GRK5: variants seen among roughly 807,000 people sequenced by gnomAD.
The protein encoded by GRK5 is G protein-coupled receptor kinase 5, also known as g protein-coupled receptor kinase GRK5.
GRK5 carries 40 observed loss-of-function variants against 78.4 expected under a neutral mutation model. That is an observed-to-expected ratio of 0.51 (90% CI 0.40 to 0.66). The LOEUF is 0.66. Among genes scored for constraint, GRK5 ranks in the 30% least tolerant of loss-of-function variants. The probability of loss-of-function intolerance (pLI) is 0.00; values close to 1 mark genes in which losing one functional copy is unlikely to be tolerated. For missense variants in GRK5, 598 were observed against 759.9 expected (o/e 0.79, Z 2.50); for synonymous variants, 289 against 296.8 (o/e 0.97, Z 0.27).
chr10:119,413,415 A>G (rs1344985556), intron 4 of GRK5, among the ~76,000 whole-genome samples: 4 of 151,148 alleles, frequency 2.6e-5, no homozygotes, highest in African/African-American at 9.7e-5. Flanking sequence ...AGGCGCGTGC[A>G]CACACACACA....
Position 119,452,844 on chromosome 10 carries a change from G to C in GRK5, c.1542+36G>C. On this transcript the variant is annotated intron_variant, in intron 14 of 15. Coordinates refer to ENST00000392870, the MANE Select transcript of GRK5 (RefSeq NM_005308.3). This position sits in a 1 kb window ranked among gnomAD's most constrained non-coding sequence, Gnocchi z 4.4. Reference sequence around the variant, plus strand: ...CAGACCACTTGCTTTGGTCTGGGTGGGAGGGAGGGACTGACGGGTGGAAGG... The same window carrying C: ...CAGACCACTTGCTTTGGTCTGGGTGCGAGGGAGGGACTGACGGGTGGAAGG... The C allele has an allele frequency of 6.3e-7, 1 of 1,584,844 alleles. No individual in the cohort carries two copies. The highest frequency in any genetic ancestry group is 8.6e-7 in the Non-Finnish European group (1 of 1,157,300).
intron 3 of GRK5, among the ~76,000 whole-genome samples, chr10:119,385,517 G>A (rs780091901): frequency 6.6e-6 from 1 of 152,200 alleles, no homozygotes; most frequent in Non-Finnish European, 1.5e-5. Flanking sequence ...GATCTGCTAG[G>A]AGGCTGTTGC....
chr10:119,363,223 G>A (rs143608516), intron 2 of GRK5, among the ~76,000 whole-genome samples: 15,717 of 151,548 alleles, frequency 0.1, 993 homozygotes, highest in Middle Eastern at 0.19. Context: ...AGAGGTTGCG[G>A]TGAGCCAAGA....
intron 4 of GRK5, among the ~76,000 whole-genome samples, chr10:119,420,913 G>A (rs1852558225): frequency 6.6e-6 from 1 of 152,136 alleles, no homozygotes; most frequent in South Asian, 2.1e-4. Context: ...TTCTACCCCT[G>A]CCCAGCACCA....
rs757695706 is a variant in GRK5 at position 119,271,727 on chromosome 10, G to A, written c.53-54789G>A. Among the ~76,000 whole-genome samples, 14 of 152,224 alleles carry A rather than the reference G, an allele frequency of 9.2e-5. No homozygotes were observed. The highest frequency in any genetic ancestry group is 2.2e-4 in the African/African-American group (9 of 41,454). On this transcript the variant is annotated intron_variant, in intron 1 of 15. Transcript: ENST00000392870. This position sits in a 1 kb window ranked among gnomAD's most constrained non-coding sequence, Gnocchi z 4.1. ...GGTGTGTGAGCACTAGGTTGGTGACGAGGTTTAGCAGCAGGTGGACTCTGG... is the reference window on the plus strand; with the variant it reads ...GGTGTGTGAGCACTAGGTTGGTGACAAGGTTTAGCAGCAGGTGGACTCTGG...
At chr10:119,261,718 G>A (rs1487121374) in intron 1 of GRK5, among the ~76,000 whole-genome samples, 3 of 152,166 alleles carry the variant, frequency 2.0e-5, no homozygotes, top group Non-Finnish European at 4.4e-5. Flanking sequence ...CCAACACAGC[G>A]AAACCCCGTC....
chr10:119,292,124 C>T (rs1197280918), intron 1 of GRK5, among the ~76,000 whole-genome samples: 3 of 27,992 alleles, frequency 1.1e-4, no homozygotes, highest in Admixed American at 3.6e-4. Context: ...TCCTCCCTCT[C>T]CTCATCTTCC....
intron 1 of GRK5, among the ~76,000 whole-genome samples, chr10:119,255,991 C>G (rs1388549999): frequency 6.6e-6 from 1 of 152,164 alleles, no homozygotes; most frequent in African/African-American, 2.4e-5. Flanking sequence ...CTTCCATTTC[C>G]TAGTAAGTAA....
intron 1 of GRK5, among the ~76,000 whole-genome samples, chr10:119,299,565 C>T (rs1850140651): frequency 6.6e-6 from 1 of 152,040 alleles, no homozygotes; most frequent in Non-Finnish European, 1.5e-5. Flanking sequence ...TGTTGTGCCT[C>T]ACTTTAGTGG....
At chr10:119,291,932 T>TTTTCCTCCTTTTC (rs1554903423) in intron 1 of GRK5, among the ~76,000 whole-genome samples, 1 of 89,406 alleles carries the variant, frequency 1.1e-5, no homozygotes, top group African/African-American at 4.7e-5. Context: ...TCCTCCTTCT[T>TTTTCCTCCTTTTC]TTCCTCCTCT....
chr10:119,403,548 A>G (rs1351784583), intron 4 of GRK5, among the ~76,000 whole-genome samples: 3 of 152,192 alleles, frequency 2.0e-5, no homozygotes, highest in Non-Finnish European at 2.9e-5. Flanking sequence ...TTATGGCTGA[A>G]TGATATTCCA....
intron 4 of GRK5, among the ~76,000 whole-genome samples, chr10:119,414,003 G>A (rs1353059461): frequency 2.0e-5 from 3 of 152,250 alleles, no homozygotes; most frequent in East Asian, 1.9e-4. Context: ...TTCCCGCCCC[G>A]GAGGAGAAAT....
chr10:119,323,993 G>T (rs1850631689), intron 1 of GRK5, among the ~76,000 whole-genome samples: 1 of 152,160 alleles, frequency 6.6e-6, no homozygotes, highest in Admixed American at 6.5e-5. Flanking sequence ...CCACCTAAGG[G>T]TCACACTGGT....
At chr10:119,366,665 G>C (rs992619145) in intron 2 of GRK5, among the ~76,000 whole-genome samples, 1 of 152,128 alleles carries the variant, frequency 6.6e-6, no homozygotes, top group Non-Finnish European at 1.5e-5. Flanking sequence ...CCTGGAGGCT[G>C]GAGCACCCCT....
intron 12 of GRK5, among the ~76,000 whole-genome samples, chr10:119,446,901 C>T (rs1853160658): frequency 6.6e-6 from 1 of 152,246 alleles, no homozygotes; most frequent in Admixed American, 6.5e-5. Flanking sequence ...AGGAAGTGTA[C>T]ATGGGATGAA....
Position 119,431,409 on chromosome 10 carries a change from C to T in GRK5, c.620C>T (p.Ala207Val). The T allele has an allele frequency of 6.2e-7, 1 of 1,613,720 alleles. No homozygotes were observed. Among genetic ancestry groups the T allele is most frequent in the Non-Finnish European group, 8.5e-7 (1 of 1,179,800 alleles). The change falls in exon 8 of 16, where the codon GCC (alanine) becomes GTC (valine). Residue 207 changes from alanine to valine, a missense_variant. Physicochemically the swap from Ala to Val is moderately conservative, Grantham distance 64 (BLOSUM62 0). Coordinates refer to ENST00000392870, the MANE Select transcript of GRK5 (RefSeq NM_005308.3). The surrounding 1 kb of genome is among the most constrained non-coding windows in gnomAD (Gnocchi z 4.8). ...CAGGTCTGTGCCTGCCAGGTTCGGGCCACGGGTAAAATGTATGCCTGCAAG... is the reference window on the plus strand; with the variant it reads ...CAGGTCTGTGCCTGCCAGGTTCGGGTCACGGGTAAAATGTATGCCTGCAAG... ...FGEVCACQVR[A>V]TGKMYACKRL...
At chr10:119,446,740 G>A (rs554728863) in intron 12 of GRK5, among the ~76,000 whole-genome samples, 2 of 152,320 alleles carry the variant, frequency 1.3e-5, no homozygotes, top group South Asian at 4.1e-4. Context: ...GTCCTTTCAA[G>A]GGTGGAACCT....
chr10:119,265,303 G>A (rs1042055796), intron 1 of GRK5, among the ~76,000 whole-genome samples: 4 of 152,180 alleles, frequency 2.6e-5, no homozygotes, highest in African/African-American at 4.8e-5. Context: ...AGGCCCCCCC[G>A]CAGGTGAGTG....
At chr10:119,376,406 T>G (rs1851621828) in intron 2 of GRK5, among the ~76,000 whole-genome samples, 1 of 152,106 alleles carries the variant, frequency 6.6e-6, no homozygotes. Context: ...AAGATACCCT[T>G]AACATCAAAG....
Sources: allele counts gnomAD v4.1 joint callset (sites outside exome capture counted in the v4.1 genomes callset), GRCh38; gene constraint gnomAD v4.1.1; non-coding constraint Gnocchi (gnomAD v3.1); transcripts MANE v1.5; gene names NCBI Gene and HGNC (gene_info 2026-07-23, HGNC 2026-07-21).